PIK3C2A: variants seen among roughly 807,000 people sequenced by gnomAD.
PIK3C2A encodes phosphatidylinositol 4-phosphate 3-kinase C2 domain-containing subunit alpha.
PIK3C2A carries 97 observed loss-of-function variants against 204.5 expected under a neutral mutation model. The observed-to-expected ratio is 0.47, with a 90% confidence interval of 0.40 to 0.56. The LOEUF is 0.56. Among genes scored for constraint, PIK3C2A ranks in the 20% least tolerant of loss-of-function variants. The pLI is 0.00. For missense variants in PIK3C2A, 1,735 were observed against 1,969.2 expected (o/e 0.88, Z 2.25); for synonymous variants, 653 against 664.4 (o/e 0.98, Z 0.26).
chr11:17,094,503 C>G, intron 27 of PIK3C2A, 118 bp from the exon 28 acceptor site: 1 of 675,932 alleles, frequency 1.5e-6, no homozygotes, highest in Non-Finnish European at 2.5e-6. Flanking sequence ...GTGGGTGGAT[C>G]AGCTGAGGTC....
At chr11:17,196,542 G>A (rs1486064319) in intron 1 of PIK3C2A, among the ~76,000 whole-genome samples, 1 of 152,104 alleles carries the variant, frequency 6.6e-6, no homozygotes, top group African/African-American at 2.4e-5. Flanking sequence ...TAATGTGAGA[G>A]AGAATGATTT....
chr11:17,176,729 T>G (rs999305159), intron 1 of PIK3C2A, among the ~76,000 whole-genome samples: 1 of 151,892 alleles, frequency 6.6e-6, no homozygotes, highest in African/African-American at 2.4e-5. Flanking sequence ...AAGGTTAGAG[T>G]GAGCTATGAT....
At position 17,140,015 on chromosome 11, in the gene PIK3C2A, C is replaced by G. The variant is rs375578636; in HGVS notation, c.1705-3390G>C. Among the ~76,000 whole-genome samples the G allele has an allele frequency of 3.3e-4, 51 of 152,280 alleles. 1 individual carries two copies. In the South Asian group the frequency reaches 0.01, roughly 31 times the overall value. On this transcript the variant is annotated intron_variant, in intron 8 of 32. Coordinates refer to ENST00000691414, the MANE Select transcript of PIK3C2A (RefSeq NM_002645.4). ...TTCCCTATAGGATATTAAACCAAACCATTATTCCTTGCCTCAAAACCCCTA... is the reference window on the plus strand; with the variant it reads ...TTCCCTATAGGATATTAAACCAAACGATTATTCCTTGCCTCAAAACCCCTA...
rs1395154738 is a variant in PIK3C2A at position 17,105,109 on chromosome 11, T to C, written c.3681+60A>G. ...ACCAGAGCTGGAAAATGAAAGAACT[T>C]AAAACCTCTGTAACACATTTTTGAC... On this transcript the variant is annotated intron_variant, in intron 23 of 32. Coordinates refer to ENST00000691414, the MANE Select transcript of PIK3C2A (RefSeq NM_002645.4). 5 of 1,380,584 alleles carry C rather than the reference T, an allele frequency of 3.6e-6. No homozygotes were observed. In the Admixed American group the frequency reaches 8.9e-5, roughly 25 times the overall value. 85.5% of individuals were successfully genotyped at this position (1,380,584 alleles called of 1,614,324 possible). A position where few individuals can be genotyped will look rare whatever the true frequency, so the allele number is the denominator to read the frequency against.
intron 21 of PIK3C2A, among the ~76,000 whole-genome samples, chr11:17,111,903 T>TA (rs1565248344): frequency 4.3e-5 from 5 of 117,280 alleles, no homozygotes; most frequent in Non-Finnish European, 7.3e-5. Context: ...AAAAAAAAAT[T>TA]CAAAAAAAAA....
At chr11:17,090,399 G>A (rs1012056971) in intron 32 of PIK3C2A, among the ~76,000 whole-genome samples, 6 of 152,124 alleles carry the variant, frequency 3.9e-5, no homozygotes, top group African/African-American at 7.2e-5. Flanking sequence ...CTCAGGAGGC[G>A]GAGGTTGCAG....
chr11:17,178,776 G>A (rs1380373773), intron 1 of PIK3C2A, among the ~76,000 whole-genome samples: 1 of 138,008 alleles, frequency 7.2e-6, no homozygotes, highest in Non-Finnish European at 1.5e-5. Flanking sequence ...AGGCCGGACT[G>A]CGGACTGCAG....
chr11:17,144,460 C>A (rs1268125456), intron 8 of PIK3C2A, among the ~76,000 whole-genome samples: 4 of 152,106 alleles, frequency 2.6e-5, no homozygotes, highest in African/African-American at 4.8e-5. Flanking sequence ...TAGTAAGCAT[C>A]CAATAAATGC....
intron 2 of PIK3C2A, among the ~76,000 whole-genome samples, chr11:17,168,287 T>G (rs985676004): frequency 1.3e-5 from 2 of 152,176 alleles, no homozygotes; most frequent in South Asian, 2.1e-4. Context: ...TTTTTTTTTC[T>G]TAACAAATTA....
chr11:17,114,077 C>CA (rs1161821930), intron 20 of PIK3C2A, among the ~76,000 whole-genome samples: 3 of 61,766 alleles, frequency 4.9e-5, no homozygotes, highest in Non-Finnish European at 8.5e-5. Flanking sequence ...GACTTTGTCT[C>CA]AAAAAATAAA....
Position 17,136,567 on chromosome 11 carries a change from A to G in PIK3C2A, c.1763T>C (p.Leu588Ser). 1 of 1,596,846 alleles carries G rather than the reference A, an allele frequency of 6.3e-7. No homozygotes were observed. Among genetic ancestry groups the G allele is most frequent in the Non-Finnish European group, 8.6e-7 (1 of 1,164,834 alleles). ...AATGGCAAGAGTCTCGACACCATCT[A>G]AAGCACTACAGATTTTTCTTACAGC... ...IKAVRKICSA[L>S]DGVETLAITE... is the part of the protein sequence containing the mutation. The change falls in exon 9 of 33, where the codon TTA becomes TCA. Residue 588 changes from leucine to serine, a missense_variant. Coordinates refer to ENST00000691414, the MANE Select transcript of PIK3C2A (RefSeq NM_002645.4).
intron 13 of PIK3C2A, among the ~76,000 whole-genome samples, chr11:17,127,302 AAATAT>A (rs1234349846): frequency 6.6e-6 from 1 of 152,042 alleles, no homozygotes; most frequent in Non-Finnish European, 1.5e-5. Flanking sequence ...TTTTTAAAAT[AAATAT>A]GTGTTTTTTT....
At chr11:17,169,852 A>G in intron 1 of PIK3C2A, 46 bp from the exon 2 acceptor site, 1 of 750,252 alleles carries the variant, frequency 1.3e-6, no homozygotes, top group Non-Finnish European at 2.1e-6. Flanking sequence ...TTCTAAACAT[A>G]AATATATTTT....
At chr11:17,203,757 C>T (rs1565312557) in intron 1 of PIK3C2A, among the ~76,000 whole-genome samples, 1 of 152,022 alleles carries the variant, frequency 6.6e-6, no homozygotes, top group Non-Finnish European at 1.5e-5. Context: ...CTCACTGCAG[C>T]CTCAAACTCC....
At chr11:17,117,296 C>CT (rs1180342274) in intron 19 of PIK3C2A, among the ~76,000 whole-genome samples, 195 bp downstream of exon 19, 1 of 152,074 alleles carries the variant, frequency 6.6e-6, no homozygotes, top group Non-Finnish European at 1.5e-5. Context: ...GGGAAAATCA[C>CT]TGATTTTAAT....
chr11:17,122,908 T>C (rs750546798), intron 13 of PIK3C2A, 95 bp from the exon 14 acceptor site: 30 of 606,172 alleles, frequency 4.9e-5, no homozygotes, highest in Non-Finnish European at 7.5e-5. Flanking sequence ...TAGTATGAGA[T>C]CAACTAAATA....
chr11:17,128,805 T>C (rs1257604324), intron 13 of PIK3C2A, among the ~76,000 whole-genome samples: 2 of 152,210 alleles, frequency 1.3e-5, no homozygotes, highest in Admixed American at 6.5e-5. Flanking sequence ...TAATAGGGTT[T>C]TGCATACTTG....
At chr11:17,101,230 T>C (rs1315943318) in intron 25 of PIK3C2A, 48 bp downstream of exon 25, 3 of 1,042,826 alleles carry the variant, frequency 2.9e-6, no homozygotes, top group East Asian at 2.5e-5. Flanking sequence ...TATTGAAACA[T>C]AGATGCATTA....
At chr11:17,096,957 T>C (rs1848472060) in intron 27 of PIK3C2A, 100 bp downstream of exon 27, 2 of 698,540 alleles carry the variant, frequency 2.9e-6, no homozygotes, top group Admixed American at 2.6e-5. Context: ...CAAGCATGAA[T>C]AGAACAAATG....
Sources: allele counts gnomAD v4.1 joint callset (sites outside exome capture counted in the v4.1 genomes callset), GRCh38; gene constraint gnomAD v4.1.1; transcripts MANE v1.5; gene names NCBI Gene and HGNC (gene_info 2026-07-23, HGNC 2026-07-21).